Variants in CNDP1 observed in about 807,000 individuals in gnomAD.
CNDP1 encodes the protein carnosine dipeptidase 1.
CNDP1 carries 44 observed loss-of-function variants against 58.1 expected under a neutral mutation model. The observed-to-expected ratio is 0.76, with a 90% CI of 0.60 to 0.97. The LOEUF (loss-of-function observed/expected upper bound fraction) is 0.97. CNDP1 is among the 50% of genes least tolerant of loss of function. The probability of loss-of-function intolerance (pLI) is 0.00; values close to 1 mark genes in which losing one functional copy is unlikely to be tolerated. For synonymous variants in CNDP1, 254 were observed against 252.6 expected, an observed-to-expected ratio of 1.01 and a Z score of -0.05; for missense variants, 616 against 655.1, an observed-to-expected ratio of 0.94 and a Z score of 0.65.
chr18:74,580,035 A>G lies in CNDP1; in HGVS notation c.1168-95A>G, dbSNP rs532080329. 7.4e-6 allele frequency: 8 copies of G among 1,078,910 alleles called. No individual in the cohort carries two copies. The African/African-American group carries it at 1.3e-4, about 17-fold the overall frequency. 66.8% of individuals were successfully genotyped at this position (1,078,910 alleles called of 1,614,324 possible). A position where few individuals can be genotyped will look rare whatever the true frequency, so the allele number is the denominator to read the frequency against. ...GTTTCTTGATGGAAGAGGCTATATT[A>G]ACTGTACTAATCAGTTTCTTGATGG... On this transcript the variant is annotated intron_variant, in intron 9 of 11. Coordinates refer to ENST00000358821, the MANE Select transcript of CNDP1 (RefSeq NM_032649.6).
Position 74,576,988 on chromosome 18 carries a change from C to T in CNDP1, c.961C>T (p.Arg321Trp), listed in dbSNP as rs150850459. ...KAIHLDLEEY[R>W]NSSRVEKFLF... ...CATCCATCTAGACCTAGAAGAATACCGGAATAGCAGCCGGGTTGAGAAATT... is the reference window on the plus strand; with the variant it reads ...CATCCATCTAGACCTAGAAGAATACTGGAATAGCAGCCGGGTTGAGAAATT... The change falls in exon 8 of 12, where the codon CGG becomes TGG. Residue 321 changes from arginine to tryptophan, a missense_variant. Transcript: ENST00000358821. 1.6e-5 allele frequency: 26 copies of T among 1,612,558 alleles called. No homozygotes were observed. The highest frequency in any genetic ancestry group is 1.6e-4 in the Middle Eastern group (1 of 6,072).
At chr18:74,549,575 C>A (rs777810118) in intron 1 of CNDP1, among the ~76,000 whole-genome samples, 6 of 152,164 alleles carry the variant, frequency 3.9e-5, no homozygotes, top group Admixed American at 6.5e-5. Flanking sequence ...AAATTTTCAG[C>A]CTGGCCATGT....
At chr18:74,546,962 G>A (rs972427105) in intron 1 of CNDP1, among the ~76,000 whole-genome samples, 1 of 152,208 alleles carries the variant, frequency 6.6e-6, no homozygotes. Flanking sequence ...CACAGTTCTT[G>A]AGACTTTCTG....
chr18:74,570,396 G>A (rs1981450252), intron 6 of CNDP1, among the ~76,000 whole-genome samples: 1 of 152,142 alleles, frequency 6.6e-6, no homozygotes, highest in South Asian at 2.1e-4. Flanking sequence ...GGTGGCAGAT[G>A]CTGGGCGCTT....
chr18:74,560,012 T>C (rs566219556), intron 3 of CNDP1, among the ~76,000 whole-genome samples: 26 of 146,050 alleles, frequency 1.8e-4, no homozygotes, highest in Non-Finnish European at 3.2e-4. Flanking sequence ...TCTGCATTCT[T>C]TTTTTTTTTT....
At chr18:74,575,145 AAGAAAG>A (rs1001943391) in intron 7 of CNDP1, among the ~76,000 whole-genome samples, 3 of 151,996 alleles carry the variant, frequency 2.0e-5, no homozygotes, top group African/African-American at 7.2e-5. Context: ...AGAAAGAAGA[AAGAAAG>A]AGAAGGAAGG....
At chr18:74,548,063 A>G (rs751100325) in intron 1 of CNDP1, among the ~76,000 whole-genome samples, 1 of 152,156 alleles carries the variant, frequency 6.6e-6, no homozygotes, top group Non-Finnish European at 1.5e-5. Context: ...CACCCTGCGC[A>G]TCCCTAACCC....
intron 1 of CNDP1, among the ~76,000 whole-genome samples, chr18:74,544,503 G>A (rs1056756456): frequency 4.6e-5 from 7 of 152,000 alleles, no homozygotes; most frequent in Admixed American, 4.6e-4. Context: ...GATCACCTGA[G>A]GTCAGGAGTT....
chr18:74,584,802 C>A lies in CNDP1; in HGVS notation c.*240C>A. On this transcript the variant is annotated 3_prime_UTR_variant, in exon 12 of 12. Coordinates refer to ENST00000358821, the MANE Select transcript of CNDP1 (RefSeq NM_032649.6). ...CTCAAGTCATAGCTGCTTGCAGCAA[C>A]TTGATTTCCCCAAGTCCTGTGCAAT... The A allele has an allele frequency of 2.1e-6, 1 of 475,068 alleles. No individual in the cohort carries two copies. Among genetic ancestry groups the A allele is most frequent in the Non-Finnish European group, 3.8e-6 (1 of 264,180 alleles). The allele number at this position is 475,068 out of a possible 1,614,324, so 29.4% of individuals were successfully genotyped here. A position where few individuals can be genotyped will look rare whatever the true frequency, so the allele number is the denominator to read the frequency against.
chr18:74,549,466 G>C (rs1980842855), intron 1 of CNDP1, among the ~76,000 whole-genome samples: 1 of 151,788 alleles, frequency 6.6e-6, no homozygotes, highest in Non-Finnish European at 1.5e-5. Flanking sequence ...CTCAAAGAGT[G>C]AGTTTATATA....
chr18:74,543,910 C>A (rs1980692027), intron 1 of CNDP1, among the ~76,000 whole-genome samples: 2 of 152,072 alleles, frequency 1.3e-5, no homozygotes, highest in African/African-American at 2.4e-5. Flanking sequence ...CATAGTGGGT[C>A]CCCATCTCTA....
In CNDP1 at chr18:74,578,145, AATTTT is replaced by A; in HGVS notation, c.1003-11_1003-7del. 6.3e-7 allele frequency: 1 copy of A among 1,595,962 alleles called. No homozygotes were observed. The highest frequency in any genetic ancestry group is 8.5e-7 in the Non-Finnish European group (1 of 1,172,608). On this transcript the variant is annotated splice_polypyrimidine_tract_variant and intron_variant, in intron 8 of 11. Coordinates refer to ENST00000358821, the MANE Select transcript of CNDP1 (RefSeq NM_032649.6). ...GGTTCTAATTAAGCATCCTTTGGATAATTTTATTTTAATATAGGAGGAGATTCTAA... is the reference window on the plus strand; with the variant it reads ...GGTTCTAATTAAGCATCCTTTGGATAATTTTAATATAGGAGGAGATTCTAA...
intron 6 of CNDP1, 89 bp from the exon 7 acceptor site, chr18:74,571,097 C>A (rs1408671716): frequency 6.0e-6 from 5 of 826,612 alleles, no homozygotes; most frequent in Non-Finnish European, 1.0e-5. Flanking sequence ...CTGAGGGACA[C>A]ACGCAGATAT....
chr18:74,540,577 A>G (rs747252233), intron 1 of CNDP1, among the ~76,000 whole-genome samples: 5 of 152,176 alleles, frequency 3.3e-5, no homozygotes, highest in Non-Finnish European at 5.9e-5. Flanking sequence ...AACCTCAGTG[A>G]GGATTGGAGG....
intron 9 of CNDP1, among the ~76,000 whole-genome samples, chr18:74,578,862 T>C (rs1371044707): frequency 6.6e-6 from 1 of 152,174 alleles, no homozygotes; most frequent in Non-Finnish European, 1.5e-5. Flanking sequence ...ATTAACACTT[T>C]GGAAGCAGTC....
Position 74,584,553 on chromosome 18 carries a change from G to T in CNDP1, c.1515G>T (p.Gln505His), listed in dbSNP as rs1245923639. 3.1e-6 allele frequency: 5 copies of T among 1,613,144 alleles called. No homozygotes were observed. In the African/African-American group the frequency reaches 6.7e-5, roughly 22 times the overall value. ...LFAAFFLEMA[Q>H]LH Reference sequence around the variant, plus strand: ...CTGCCTTTTTCTTAGAGATGGCCCAGCTCCATTAATCACAAGAACCTTCTA... The same window carrying T: ...CTGCCTTTTTCTTAGAGATGGCCCATCTCCATTAATCACAAGAACCTTCTA... Residue 505 changes from glutamine (Q) to histidine (H), a missense_variant, in exon 12 of 12, where the codon CAG (glutamine) becomes CAT (histidine). Coordinates refer to ENST00000358821, the MANE Select transcript of CNDP1 (RefSeq NM_032649.6).
chr18:74,557,305 T>C (rs1184426929), intron 2 of CNDP1, among the ~76,000 whole-genome samples: 1 of 152,182 alleles, frequency 6.6e-6, no homozygotes, highest in Non-Finnish European at 1.5e-5. Flanking sequence ...CACTGCGGCC[T>C]CGACCTCCTG....
chr18:74,572,855 A>AT (rs1981520875), intron 7 of CNDP1, among the ~76,000 whole-genome samples: 1 of 151,412 alleles, frequency 6.6e-6, no homozygotes, highest in Non-Finnish European at 1.5e-5. Context: ...GCAAAAAAAA[A>AT]ATGTTTAATA....
At chr18:74,550,747 TTTTTTTTGTTTTTTG>T (rs1199536461) in intron 1 of CNDP1, among the ~76,000 whole-genome samples, 2 of 151,712 alleles carry the variant, frequency 1.3e-5, no homozygotes, top group Non-Finnish European at 2.9e-5. Context: ...CGACTATTTT[TTTTTTTTGTTTTTTG>T]TTTTTTGTTT....
Sources: gnomAD v4.1 joint callset for allele counts (sites outside exome capture counted in the v4.1 genomes callset) on GRCh38, gnomAD v4.1.1 for gene constraint, MANE v1.5 for transcripts, NCBI Gene and HGNC (gene_info 2026-07-23, HGNC 2026-07-21) for gene names.